Variants in ARFIP1 observed in about 807,000 individuals in gnomAD.
ARFIP1 encodes ARF interacting protein 1.
Under a neutral mutation model 42.5 loss-of-function variants are expected in ARFIP1, and 24 were observed. The observed-to-expected ratio is 0.57, with a 90% CI of 0.41 to 0.80. The LOEUF (loss-of-function observed/expected upper bound fraction) is 0.80, where lower values mean the gene tolerates loss of function less well. Ranked by LOEUF, ARFIP1 falls within the 30% of genes least tolerant of loss-of-function variation. ARFIP1 has a pLI of 0.00. For synonymous variants in ARFIP1, 141 were observed against 153.7 expected (o/e 0.92, Z 0.61); for missense variants, 354 against 434.0 (o/e 0.82, Z 1.64).
At chr4:152,798,438 C>T (rs111686560) in intron 1 of ARFIP1, among the ~76,000 whole-genome samples, 243 of 152,152 alleles carry the variant, frequency 1.6e-3, no homozygotes, top group African/African-American at 4.3e-3. Flanking sequence ...TGTTGGGTTT[C>T]GAATGGGTGT....
At chr4:152,805,565 GATA>G (rs1728935883) in intron 1 of ARFIP1, among the ~76,000 whole-genome samples, 2 of 152,192 alleles carry the variant, frequency 1.3e-5, no homozygotes, top group African/African-American at 4.8e-5. Flanking sequence ...TGAGTTCTTT[GATA>G]TCTTTCTTCG....
At chr4:152,893,759 A>G (rs1737064201) in intron 8 of ARFIP1, among the ~76,000 whole-genome samples, 1 of 152,208 alleles carries the variant, frequency 6.6e-6, no homozygotes, top group Non-Finnish European at 1.5e-5. Flanking sequence ...AAGATGAACC[A>G]GACTTGGGAT....
chr4:152,825,335 G>A (rs117700720), intron 1 of ARFIP1, among the ~76,000 whole-genome samples: 2,717 of 152,222 alleles, frequency 0.018, 186 homozygotes, highest in Admixed American at 0.12. Flanking sequence ...AAACAGTGTG[G>A]TACTGGCATA....
At chr4:152,808,669 C>T (rs1578843309) in intron 1 of ARFIP1, among the ~76,000 whole-genome samples, 2 of 152,176 alleles carry the variant, frequency 1.3e-5, no homozygotes, top group South Asian at 4.1e-4. Context: ...TTTCTAGTTT[C>T]CGCCTTCTAA....
chr4:152,792,412 A>G (rs931018084), intron 1 of ARFIP1, among the ~76,000 whole-genome samples: 3 of 151,616 alleles, frequency 2.0e-5, no homozygotes, highest in Admixed American at 1.3e-4. Flanking sequence ...TTAGTGAAAA[A>G]TAATGTAAAT....
intron 1 of ARFIP1, among the ~76,000 whole-genome samples, chr4:152,817,350 A>G (rs1729981416): frequency 6.6e-6 from 1 of 152,230 alleles, no homozygotes; most frequent in Non-Finnish European, 1.5e-5. Context: ...TGCCAAGACC[A>G]TTAAATGGAG....
In ARFIP1 at chr4:152,817,947, A is replaced by G. The variant is rs75476249; in HGVS notation, c.-9-11678A>G. On this transcript the variant is annotated intron_variant, in intron 1 of 8. Transcript: ENST00000353617. ...TTAGGATGGCAGCTATTAGAAAAAA[A>G]CAGTAAATAACAAGTGTTGGTAAGA... Among the ~76,000 whole-genome samples, 6 of 152,354 alleles carry G rather than the reference A, an allele frequency of 3.9e-5. No individual in the cohort carries two copies. In the East Asian group the frequency reaches 1.2e-3, roughly 29 times the overall value.
intron 8 of ARFIP1, among the ~76,000 whole-genome samples, chr4:152,904,057 ATTT>A (rs1738076112): frequency 6.6e-6 from 1 of 150,882 alleles, no homozygotes; most frequent in South Asian, 2.1e-4. Flanking sequence ...TTTTTAAGTT[ATTT>A]TTATTTTTAA....
intron 1 of ARFIP1, among the ~76,000 whole-genome samples, chr4:152,801,855 T>C (rs565540925): frequency 1.3e-3 from 201 of 152,272 alleles, no homozygotes; most frequent in African/African-American, 4.4e-3. Flanking sequence ...AGCTGTGTTA[T>C]ATATAGGTGA....
At chr4:152,785,721 G>A (rs377204792) in intron 1 of ARFIP1, among the ~76,000 whole-genome samples, 131 of 152,326 alleles carry the variant, frequency 8.6e-4, no homozygotes, top group East Asian at 5.0e-3. Context: ...AATTTGAAAA[G>A]TAGGTATTGG....
At chr4:152,874,070 A>G (rs1045498337) in intron 5 of ARFIP1, among the ~76,000 whole-genome samples, 1 of 151,966 alleles carries the variant, frequency 6.6e-6, no homozygotes, top group Non-Finnish European at 1.5e-5. Flanking sequence ...CTTTTTGTTC[A>G]TTTGAGTCTT....
intron 2 of ARFIP1, among the ~76,000 whole-genome samples, chr4:152,862,005 C>T (rs754851817): frequency 7.2e-5 from 11 of 152,114 alleles, no homozygotes; most frequent in South Asian, 2.1e-4. Context: ...TACATGTCTA[C>T]CAAATTAATA....
chr4:152,814,543 T>G (rs1342400224), intron 1 of ARFIP1, among the ~76,000 whole-genome samples: 1 of 152,078 alleles, frequency 6.6e-6, no homozygotes, highest in African/African-American at 2.4e-5. Flanking sequence ...CACCCTGGTC[T>G]CTACAAAAAA....
At chr4:152,833,663 C>A (rs6836597) in intron 2 of ARFIP1, among the ~76,000 whole-genome samples, 4,080 of 152,260 alleles carry the variant, frequency 0.027, 98 homozygotes, top group South Asian at 0.11. Context: ...CATACACATA[C>A]ACCCACAGAC....
intron 2 of ARFIP1, among the ~76,000 whole-genome samples, chr4:152,834,428 C>T (rs1731487859): frequency 6.6e-6 from 1 of 152,138 alleles, no homozygotes; most frequent in Admixed American, 6.5e-5. Flanking sequence ...GTGTGCGAGA[C>T]CAAAAACAAG....
chr4:152,888,172 G>A lies in ARFIP1; in HGVS notation c.831G>A (p.Leu277=), dbSNP rs148993045. Residue 277 remains leucine, a synonymous_variant, in exon 8 of 9, where the codon CTG becomes CTA. Transcript: ENST00000353617. ...YDAYRTDLEE[L]NLGPRDANTL... ...CATATCGCACTGATTTGGAAGAACTGAATCTTGGACCACGTGACGCAAACA... is the reference window on the plus strand; with the variant it reads ...CATATCGCACTGATTTGGAAGAACTAAATCTTGGACCACGTGACGCAAACA... 220 of 1,611,416 alleles carry A rather than the reference G, an allele frequency of 1.4e-4. No individual in the cohort carries two copies. The highest frequency in any genetic ancestry group is 1.3e-3 in the Middle Eastern group (8 of 6,054).
chr4:152,814,059 T>C (rs1026516678), intron 1 of ARFIP1, among the ~76,000 whole-genome samples: 1 of 151,850 alleles, frequency 6.6e-6, no homozygotes, highest in African/African-American at 2.4e-5. Context: ...GGACAGTTTT[T>C]CTTTTGTTCT....
intron 1 of ARFIP1, among the ~76,000 whole-genome samples, chr4:152,790,926 C>T (rs1377524749): frequency 2.0e-5 from 3 of 150,240 alleles, no homozygotes; most frequent in South Asian, 4.2e-4. Context: ...TTTATAGAGA[C>T]GAGGTTTTGC....
At chr4:152,817,243 T>C (rs1166796913) in intron 1 of ARFIP1, among the ~76,000 whole-genome samples, 4 of 152,212 alleles carry the variant, frequency 2.6e-5, no homozygotes, top group Non-Finnish European at 5.9e-5. Context: ...GTATATCTCT[T>C]ATTTGCAAGG....
Sources: allele counts gnomAD v4.1 joint callset (sites outside exome capture counted in the v4.1 genomes callset), GRCh38; gene constraint gnomAD v4.1.1; transcripts MANE v1.5; gene names NCBI Gene and HGNC (gene_info 2026-07-23, HGNC 2026-07-21).